Variants in ADAM10 observed in about 807,000 individuals in gnomAD.
The protein encoded by ADAM10 is disintegrin and metalloproteinase domain-containing protein 10.
In ADAM10, 17 loss-of-function variants were observed where a neutral mutation model predicts 90.1. The observed-to-expected ratio is 0.19, with a 90% CI of 0.13 to 0.28. ADAM10 has a LOEUF of 0.28. ADAM10 is among the 10% of genes least tolerant of loss of function. ADAM10 has a pLI of 1.00. For missense variants in ADAM10, 610 were observed against 914.3 expected, an observed-to-expected ratio of 0.67 and a Z score of 4.29; for synonymous variants, 310 against 298.6, an observed-to-expected ratio of 1.04 and a Z score of -0.40.
chr15:58,666,197 C>T lies in ADAM10; in HGVS notation c.485-1000G>A, dbSNP rs748283521. 3.3e-5 allele frequency among the ~76,000 whole-genome samples: 5 copies of T among 150,700 alleles called. No homozygotes were observed. The South Asian group carries it at 1.1e-3, about 32-fold the overall frequency. ...TTTCTCTTCCTTATTCAGTTTAAAT[C>T]CCACAGTCAATTATTATTATAATTA... is the stretch of plus-strand genomic sequence containing the variant. On this transcript the variant is annotated intron_variant, in intron 4 of 15. Transcript: ENST00000260408.
rs936982236 is a variant in ADAM10, at chr15:58,684,159, A to G, written c.207-1845T>C. Among the ~76,000 whole-genome samples, 11 of 152,346 alleles carry G rather than the reference A, an allele frequency of 7.2e-5. No individual in the cohort carries two copies. The South Asian group carries it at 2.3e-3, about 32-fold the overall frequency. ...AATAATGACAAGGAAGAAAGTGTAC[A>G]TGTTCAGTACAGATGCAACCATGCG... On this transcript the variant is annotated intron_variant, in intron 2 of 15. Transcript: ENST00000260408.
chr15:58,724,009 T>C (rs1037588679), intron 1 of ADAM10, among the ~76,000 whole-genome samples: 1 of 151,998 alleles, frequency 6.6e-6, no homozygotes, highest in African/African-American at 2.4e-5. Context: ...GGCAGGTGGA[T>C]CACCCAAGGT....
rs771026289 is a variant in ADAM10, at chr15:58,640,785, G to A, written c.1004C>T (p.Ala335Val). ...TTAATATGATAAACTACCTGAAGGT[G>A]CTCCAACCCAAGCCAGACCAAGTAC... ...DGVLGLAWVG[A>V]PSGSSGGICE... is the part of the protein sequence containing the mutation. Residue 335 changes from alanine (A) to valine (V), a missense_variant, in exon 8 of 16, where the codon GCA becomes GTA. By Grantham distance (64) the Ala-to-Val change is moderately conservative (BLOSUM62 0). This residue lies in a region of ADAM10 where 97 missense variants were observed against 221.4 expected (regional missense o/e 0.44). Transcript: ENST00000260408. 1 of 1,613,888 alleles carries A rather than the reference G, an allele frequency of 6.2e-7. No individual in the cohort carries two copies. The highest frequency in any genetic ancestry group is 8.5e-7 in the Non-Finnish European group (1 of 1,179,908).
intron 7 of ADAM10, among the ~76,000 whole-genome samples, chr15:58,642,444 G>A (rs1278970325): frequency 8.7e-5 from 13 of 150,170 alleles, no homozygotes; most frequent in Admixed American, 3.3e-4. Flanking sequence ...CAGCCTGGGC[G>A]ACAGAGTGAG....
chr15:58,608,178 A>G (rs1348135605), intron 14 of ADAM10, among the ~76,000 whole-genome samples: 2 of 152,044 alleles, frequency 1.3e-5, no homozygotes, highest in Non-Finnish European at 2.9e-5. Flanking sequence ...GAAGTTCTAA[A>G]TTGTTAAGGT....
At chr15:58,616,844 T>C (rs1820548) in intron 11 of ADAM10, among the ~76,000 whole-genome samples, 41,972 of 151,978 alleles carry the variant, frequency 0.28, 7,883 homozygotes, top group African/African-American at 0.52. Context: ...CACGGTGGCT[T>C]ATGTCTATAA....
intron 2 of ADAM10, among the ~76,000 whole-genome samples, chr15:58,688,766 T>TTATATATATATATATATATATATATA (rs780219725): frequency 1.6e-4 from 19 of 121,836 alleles, no homozygotes; most frequent in African/African-American, 3.3e-4. Flanking sequence ...AAAAAAAAAA[T>TTATATATATATATATATATATATATA]TATATATATA....
intron 8 of ADAM10, 122 bp downstream of exon 8, chr15:58,640,655 T>C (rs1896394021): frequency 3.2e-6 from 3 of 931,526 alleles, no homozygotes; most frequent in African/African-American, 1.7e-5. Context: ...CTAACTCAAG[T>C]AGCATAAATT....
intron 1 of ADAM10, among the ~76,000 whole-genome samples, chr15:58,735,985 A>G (rs1477662673): frequency 6.6e-6 from 1 of 152,232 alleles, no homozygotes; most frequent in East Asian, 1.9e-4. Context: ...CCTAGAGGAC[A>G]ATAAAATGTT....
intron 5 of ADAM10, among the ~76,000 whole-genome samples, chr15:58,657,275 C>T (rs1282148799): frequency 6.6e-6 from 1 of 152,130 alleles, no homozygotes; most frequent in Non-Finnish European, 1.5e-5. Flanking sequence ...TTTGAATAAA[C>T]TTTTTACCCC....
At position 58,701,560 on chromosome 15, in the gene ADAM10, T is replaced by C. The variant is rs144017791; in HGVS notation, c.206+16017A>G. ...TAGGAATGTAAATTAGTACAGCCAC[T>C]ATGCAAAACAGCATAGAGATTTCTC... On this transcript the variant is annotated intron_variant, in intron 2 of 15. Coordinates refer to ENST00000260408, the MANE Select transcript of ADAM10 (RefSeq NM_001110.4). Among the ~76,000 whole-genome samples, 1,495 of 152,300 alleles carry C rather than the reference T, an allele frequency of 9.8e-3. 23 individuals carry two copies. The highest frequency in any genetic ancestry group is 0.034 in the African/African-American group (1,409 of 41,556).
Position 58,624,137 on chromosome 15 carries a change from C to A in ADAM10, c.1361-2516G>T, listed in dbSNP as rs763698101. On this transcript the variant is annotated intron_variant, in intron 10 of 15. Coordinates refer to ENST00000260408, the MANE Select transcript of ADAM10 (RefSeq NM_001110.4). ...CGTCTCTCCTAAAAATACAAAAAAA[C>A]CAGCTAGGCGTGGTGGCGCACTCCT... is the stretch of plus-strand genomic sequence containing the variant. Among the ~76,000 whole-genome samples, 51 of 151,938 alleles carry A rather than the reference C, an allele frequency of 3.4e-4. 1 individual carries two copies. Among genetic ancestry groups the A allele is most frequent in the South Asian group, 1.0e-3 (5 of 4,806 alleles).
At chr15:58,739,524 T>A (rs542347517) in intron 1 of ADAM10, among the ~76,000 whole-genome samples, 36 of 151,454 alleles carry the variant, frequency 2.4e-4, no homozygotes, top group Non-Finnish European at 3.2e-4. Flanking sequence ...CTCAAAAAAA[T>A]AAATAAATAA....
intron 2 of ADAM10, among the ~76,000 whole-genome samples, chr15:58,713,097 G>A (rs1455389750): frequency 6.6e-6 from 1 of 152,056 alleles, no homozygotes; most frequent in African/African-American, 2.4e-5. Flanking sequence ...TAAATGTTTT[G>A]TTGGTGGTGT....
At chr15:58,684,080 A>G (rs1374742722) in intron 2 of ADAM10, among the ~76,000 whole-genome samples, 4 of 152,146 alleles carry the variant, frequency 2.6e-5, no homozygotes, top group Non-Finnish European at 4.4e-5. Flanking sequence ...TACTTATAAT[A>G]CCTCACACAG....
At chr15:58,614,064 T>C (rs1895530775) in intron 11 of ADAM10, among the ~76,000 whole-genome samples, 1 of 152,170 alleles carries the variant, frequency 6.6e-6, no homozygotes, top group Non-Finnish European at 1.5e-5. Context: ...TCCCAACACT[T>C]TGGGAGGCCA....
chr15:58,692,271 C>T, intron 2 of ADAM10: 1 of 605,706 alleles, frequency 1.7e-6, no homozygotes, highest in South Asian at 1.4e-5. Flanking sequence ...AGTGGTCTTC[C>T]CAGGCACTGG....
chr15:58,700,674 A>G (rs1158939968), intron 2 of ADAM10, among the ~76,000 whole-genome samples: 1 of 152,210 alleles, frequency 6.6e-6, no homozygotes, highest in Non-Finnish European at 1.5e-5. Flanking sequence ...TCAAGGAACT[A>G]GTAAAGCAAG....
chr15:58,602,623 T>TGC (rs757131231), intron 14 of ADAM10, among the ~76,000 whole-genome samples: 1 of 152,018 alleles, frequency 6.6e-6, no homozygotes, highest in Non-Finnish European at 1.5e-5. Flanking sequence ...TACATATATA[T>TGC]GCACACACAC....
Sources: gnomAD v4.1 joint callset for allele counts (sites outside exome capture counted in the v4.1 genomes callset) on GRCh38, gnomAD v4.1.1 for gene constraint, gnomAD v4.1.1 regional missense constraint, MANE v1.5 for transcripts, NCBI Gene and HGNC (gene_info 2026-07-23, HGNC 2026-07-21) for gene names.